PPFIBP2: variants seen among roughly 807,000 people sequenced by gnomAD.
PPFIBP2 encodes the protein liprin-beta-2.
PPFIBP2 carries 118 observed loss-of-function variants against 118.3 expected under a neutral mutation model. That is an observed-to-expected ratio of 1.00 (90% CI 0.86 to 1.16). The LOEUF (loss-of-function observed/expected upper bound fraction) is 1.16. PPFIBP2 is among the 50% of genes most tolerant of loss of function. The pLI, the probability that PPFIBP2 is intolerant of heterozygous loss-of-function variation, is 0.00. For missense variants in PPFIBP2, 1,195 were observed against 1,073.1 expected, an observed-to-expected ratio of 1.11 and a Z score of -1.59; for synonymous variants, 414 against 397.4, an observed-to-expected ratio of 1.04 and a Z score of -0.50.
chr11:7,642,101 G>A (rs1042349101), intron 16 of PPFIBP2, 197 bp from the exon 17 acceptor site: 17 of 582,786 alleles, frequency 2.9e-5, no homozygotes, highest in Non-Finnish European at 3.4e-5. Context: ...AATCCCAGAG[G>A]CAGGATCCGA....
intron 1 of PPFIBP2, among the ~76,000 whole-genome samples, chr11:7,529,548 C>G (rs1850507394): frequency 6.6e-6 from 1 of 152,186 alleles, no homozygotes; most frequent in Non-Finnish European, 1.5e-5. Context: ...ATTATGGGCT[C>G]TCTTGATGCC....
rs771734198 is a variant in PPFIBP2 at position 7,565,796 on chromosome 11, C to A, written c.279+29C>A. 15 of 1,608,302 alleles carry A rather than the reference C, an allele frequency of 9.3e-6. No individual in the cohort carries two copies. In the African/African-American group the frequency reaches 1.5e-4, roughly 16 times the overall value. Reference sequence around the variant, plus strand: ...AGTAGTCCCGTGGCCTGATTGGGAACCACTGGGGAATGTAATGGTGCAGCC... The same window carrying A: ...AGTAGTCCCGTGGCCTGATTGGGAAACACTGGGGAATGTAATGGTGCAGCC... On this transcript the variant is annotated intron_variant, in intron 3 of 23. Coordinates refer to ENST00000299492, the MANE Select transcript of PPFIBP2 (RefSeq NM_003621.5).
At chr11:7,630,222 C>T (rs1428243069) in intron 10 of PPFIBP2, among the ~76,000 whole-genome samples, 2 of 151,640 alleles carry the variant, frequency 1.3e-5, no homozygotes, top group African/African-American at 2.4e-5. Flanking sequence ...GGCTGAGCTT[C>T]TGCTGCTTCT....
chr11:7,614,471 A>G (rs945772661), intron 6 of PPFIBP2, among the ~76,000 whole-genome samples: 1 of 152,188 alleles, frequency 6.6e-6, no homozygotes, highest in South Asian at 2.1e-4. Context: ...CTATGTCTGC[A>G]TATTGTTCTA....
At chr11:7,655,576 T>C (rs1289131857), downstream of PPFIBP2, 2 of 1,142,570 alleles carry the variant, frequency 1.8e-6, no homozygotes, top group South Asian at 1.3e-5. Flanking sequence ...TGGTGTGGTA[T>C]GCACAAGGCC....
intron 6 of PPFIBP2, among the ~76,000 whole-genome samples, chr11:7,617,988 C>A (rs910718220): frequency 2.0e-5 from 3 of 152,112 alleles, no homozygotes; most frequent in African/African-American, 7.2e-5. Flanking sequence ...TAACCCTATG[C>A]CTCGAAGGAG....
the PPFIBP2 span, among the ~76,000 whole-genome samples, chr11:7,664,783 G>T: frequency 2.6e-5 from 4 of 152,128 alleles, no homozygotes; most frequent in Non-Finnish European, 4.4e-5. Flanking sequence ...GTGAACAGGG[G>T]GATGGGTGAG....
intron 1 of PPFIBP2, among the ~76,000 whole-genome samples, chr11:7,525,961 G>A (rs1564938530): frequency 6.6e-6 from 1 of 152,188 alleles, no homozygotes; most frequent in Non-Finnish European, 1.5e-5. Flanking sequence ...GTTCTTTGTT[G>A]CTCAGAGGGC....
intron 3 of PPFIBP2, among the ~76,000 whole-genome samples, chr11:7,591,199 T>G (rs1036121373): frequency 2.0e-5 from 3 of 152,154 alleles, no homozygotes; most frequent in Non-Finnish European, 4.4e-5. Context: ...CTGCACACCA[T>G]TTGAATAAGG....
chr11:7,608,494 G>A (rs1463688622), intron 5 of PPFIBP2, among the ~76,000 whole-genome samples: 5 of 152,092 alleles, frequency 3.3e-5, no homozygotes, highest in Admixed American at 1.3e-4. Flanking sequence ...TACAAAATCC[G>A]CTGGGCGTGG....
chr11:7,661,486 AG>A (rs1380423435), downstream of PPFIBP2, among the ~76,000 whole-genome samples: 2 of 149,850 alleles, frequency 1.3e-5, no homozygotes, highest in Non-Finnish European at 3.0e-5. Context: ...CCTGAGTTCT[AG>A]TTTGATTGCA....
intron 1 of PPFIBP2, among the ~76,000 whole-genome samples, chr11:7,519,727 C>T (rs1849567018): frequency 6.6e-6 from 1 of 152,264 alleles, no homozygotes; most frequent in Admixed American, 6.5e-5. Flanking sequence ...CGATCGTCAC[C>T]ACTGCCTTTT....
chr11:7,584,650 CACTCATACT>C (rs1300414843), intron 3 of PPFIBP2, among the ~76,000 whole-genome samples: 1 of 152,208 alleles, frequency 6.6e-6, no homozygotes. Context: ...AACCTGCCTA[CACTCATACT>C]ACTGGGTTCC....
chr11:7,580,967 TACTCCAGATCAAGGTCTCAA>T (rs1554960554), intron 3 of PPFIBP2, among the ~76,000 whole-genome samples: 3 of 152,144 alleles, frequency 2.0e-5, no homozygotes, highest in Non-Finnish European at 4.4e-5. Context: ...ACCCTTCCCA[TACTCCAGATCAAGGTCTCAA>T]ACCAAGCATA....
chr11:7,629,347 T>G, intron 9 of PPFIBP2, 112 bp from the exon 10 acceptor site: 1 of 1,042,272 alleles, frequency 9.6e-7, no homozygotes, highest in East Asian at 2.4e-5. Flanking sequence ...TTTCCTTTGG[T>G]TCCACGTGGG....
the PPFIBP2 span, chr11:7,666,637 C>A: frequency 2.3e-6 from 2 of 851,598 alleles, no homozygotes; most frequent in Non-Finnish European, 3.7e-6. Flanking sequence ...TACTCCTGGC[C>A]AAAGCTGCCA....
intron 1 of PPFIBP2, among the ~76,000 whole-genome samples, chr11:7,544,107 A>G (rs1242303796): frequency 6.6e-6 from 1 of 152,222 alleles, no homozygotes; most frequent in African/African-American, 2.4e-5. Context: ...AGATGACAGC[A>G]CACACATAGG....
chr11:7,548,680 T>C (rs1349093600), intron 1 of PPFIBP2, among the ~76,000 whole-genome samples: 2 of 152,128 alleles, frequency 1.3e-5, no homozygotes, highest in African/African-American at 4.8e-5. Context: ...GGGAGGGGCA[T>C]TGGGCAGTTC....
At chr11:7,594,233 TGAA>T (rs1294370871) in intron 4 of PPFIBP2, among the ~76,000 whole-genome samples, 1 of 152,174 alleles carries the variant, frequency 6.6e-6, no homozygotes, top group African/African-American at 2.4e-5. Flanking sequence ...TCTAAAAATG[TGAA>T]GAAGCAGGTT....
Sources: gnomAD v4.1 joint callset for allele counts (sites outside exome capture counted in the v4.1 genomes callset) on GRCh38, gnomAD v4.1.1 for gene constraint, MANE v1.5 for transcripts, NCBI Gene and HGNC (gene_info 2026-07-23, HGNC 2026-07-21) for gene names.